Variants in SEMA6D observed in about 807,000 individuals in gnomAD.
SEMA6D encodes semaphorin 6D.
SEMA6D carries 35 observed loss-of-function variants against 106.6 expected under a neutral mutation model. The ratio of observed to expected loss-of-function variants is 0.33; its 90% CI spans 0.25 to 0.44. The LOEUF (loss-of-function observed/expected upper bound fraction) is 0.44. Ranked by LOEUF, SEMA6D falls within the 20% of genes least tolerant of loss-of-function variation. SEMA6D has a pLI of 1.00. For synonymous variants in SEMA6D, 499 were observed against 487.7 expected (o/e 1.02, Z -0.31); for missense variants, 1,185 against 1,345.9 (o/e 0.88, Z 1.87).
chr15:47,750,816 CGA>C (rs375907421), intron 1 of SEMA6D, among the ~76,000 whole-genome samples: 131 of 152,272 alleles, frequency 8.6e-4, no homozygotes, highest in African/African-American at 2.7e-3. Flanking sequence ...TGGCCCACAG[CGA>C]GAGAGGATGT....
chr15:47,352,145 G>T (rs1345756224), intron 1 of SEMA6D, among the ~76,000 whole-genome samples: 1 of 152,048 alleles, frequency 6.6e-6, no homozygotes, highest in Non-Finnish European at 1.5e-5. Context: ...TAATATTAGT[G>T]AAACAATGAC....
intron 2 of SEMA6D, among the ~76,000 whole-genome samples, chr15:47,412,699 T>C (rs551094971): frequency 6.6e-6 from 1 of 152,298 alleles, no homozygotes; most frequent in Admixed American, 6.5e-5. Flanking sequence ...ATTTTTTAAG[T>C]GTCTGCATCA....
At chr15:47,668,698 G>A (rs1436276393) in intron 4 of SEMA6D, among the ~76,000 whole-genome samples, 1 of 152,026 alleles carries the variant, frequency 6.6e-6, no homozygotes, top group Non-Finnish European at 1.5e-5. Context: ...CCCGTGTCTG[G>A]ACCCTCTCTG....
Position 47,565,301 on chromosome 15 carries a change from C to G in SEMA6D, c.-86-35564C>G, listed in dbSNP as rs1452167663. Among the ~76,000 whole-genome samples, 3 of 152,212 alleles carry G rather than the reference C, an allele frequency of 2.0e-5. No homozygotes were observed. The East Asian group carries it at 5.8e-4, about 29-fold the overall frequency. ...CACCCCAGCTCCTGCACCCACTCAC[C>G]TGCACACTCCCTCCCATGAGGGGTG... is the stretch of plus-strand genomic sequence containing the variant. On this transcript the variant is annotated intron_variant, in intron 3 of 19. Transcript: ENST00000558014.
At chr15:47,600,608 T>C (rs1297520571) in intron 3 of SEMA6D, among the ~76,000 whole-genome samples, 1 of 152,186 alleles carries the variant, frequency 6.6e-6, no homozygotes, top group Admixed American at 6.5e-5. Flanking sequence ...TACTCTGGTC[T>C]ACTGGTGGAT....
chr15:47,406,536 T>G (rs1374437682), intron 1 of SEMA6D, among the ~76,000 whole-genome samples: 1 of 152,074 alleles, frequency 6.6e-6, no homozygotes, highest in East Asian at 1.9e-4. Flanking sequence ...TTATAATAAT[T>G]TATTAATAAT....
At chr15:47,741,102 C>T (rs2080784512) in intron 1 of SEMA6D, among the ~76,000 whole-genome samples, 1 of 152,168 alleles carries the variant, frequency 6.6e-6, no homozygotes, top group Admixed American at 6.5e-5. Context: ...TGACAGTATT[C>T]TTATCTTAAT....
At chr15:47,590,927 G>T (rs1171079622) in intron 3 of SEMA6D, among the ~76,000 whole-genome samples, 1 of 152,210 alleles carries the variant, frequency 6.6e-6, no homozygotes, top group Non-Finnish European at 1.5e-5. Context: ...AGCCCTAGGG[G>T]ACTAGTACAG....
intron 1 of SEMA6D, among the ~76,000 whole-genome samples, chr15:47,240,846 A>C (rs1297859530): frequency 6.6e-6 from 1 of 152,300 alleles, no homozygotes; most frequent in East Asian, 1.9e-4. Flanking sequence ...CATTATATGA[A>C]TATGTTTTCT....
chr15:47,543,303 G>A (rs1438100398), intron 3 of SEMA6D, among the ~76,000 whole-genome samples: 1 of 152,044 alleles, frequency 6.6e-6, no homozygotes, highest in Non-Finnish European at 1.5e-5. Flanking sequence ...GTCAAGGGTG[G>A]GGCCAGGTGA....
intron 3 of SEMA6D, among the ~76,000 whole-genome samples, chr15:47,573,044 C>G (rs1211421166): frequency 6.6e-6 from 1 of 152,066 alleles, no homozygotes; most frequent in African/African-American, 2.4e-5. Flanking sequence ...TAAATGTTCT[C>G]TGTGCCCGGC....
At chr15:47,405,030 G>A (rs941938070) in intron 1 of SEMA6D, among the ~76,000 whole-genome samples, 14 of 152,212 alleles carry the variant, frequency 9.2e-5, no homozygotes, top group African/African-American at 3.1e-4. Context: ...AGTAGGAAAT[G>A]TCCCTAGGGG....
chr15:47,472,499 A>C (rs1356910426), intron 3 of SEMA6D, among the ~76,000 whole-genome samples: 1 of 152,178 alleles, frequency 6.6e-6, no homozygotes, highest in Non-Finnish European at 1.5e-5. Context: ...TATTGGAGGA[A>C]TGTGGATGCC....
intron 1 of SEMA6D, among the ~76,000 whole-genome samples, chr15:47,734,994 T>C (rs2080359622): frequency 6.6e-6 from 1 of 152,192 alleles, no homozygotes; most frequent in Non-Finnish European, 1.5e-5. Flanking sequence ...TTTGTTTCTG[T>C]AGATTTTATG....
chr15:47,584,141 T>A (rs1387488934), intron 3 of SEMA6D, among the ~76,000 whole-genome samples: 1 of 152,180 alleles, frequency 6.6e-6, no homozygotes, highest in Non-Finnish European at 1.5e-5. Flanking sequence ...TCATGTGTAA[T>A]GTGCTGAATA....
chr15:47,400,804 A>G (rs2040375026), intron 1 of SEMA6D, among the ~76,000 whole-genome samples: 1 of 152,204 alleles, frequency 6.6e-6, no homozygotes, highest in Admixed American at 6.5e-5. Flanking sequence ...TGGCAGGAGA[A>G]AGTTGTTTTC....
chr15:47,224,782 T>A (rs564240691), intron 1 of SEMA6D, among the ~76,000 whole-genome samples: 76 of 152,054 alleles, frequency 5.0e-4, no homozygotes, highest in Middle Eastern at 6.8e-3. Flanking sequence ...TCATCAAAAA[T>A]TTGCTCTTTT....
At chr15:47,488,881 T>C (rs2043378540) in intron 3 of SEMA6D, among the ~76,000 whole-genome samples, 1 of 152,098 alleles carries the variant, frequency 6.6e-6, no homozygotes, top group East Asian at 1.9e-4. Flanking sequence ...AATTCATATT[T>C]TACCCTAAAA....
chr15:47,384,814 G>GTTTTTTTTTTTTTTTTTT (rs1168068495), intron 1 of SEMA6D, among the ~76,000 whole-genome samples: 3 of 65,694 alleles, frequency 4.6e-5, no homozygotes, highest in African/African-American at 1.1e-4. Context: ...GATTACTAAA[G>GTTTTTTTTTTTTTTTTTT]TTTTTTTTTT....
Sources: allele counts gnomAD v4.1 joint callset (sites outside exome capture counted in the v4.1 genomes callset), GRCh38; gene constraint gnomAD v4.1.1; transcripts MANE v1.5; gene names NCBI Gene and HGNC (gene_info 2026-07-23, HGNC 2026-07-21).